PRKCB: variants seen among roughly 807,000 people sequenced by gnomAD.
The protein encoded by PRKCB is protein kinase C beta.
PRKCB carries 13 observed loss-of-function variants against 81.5 expected under a neutral mutation model. The observed-to-expected ratio is 0.16, with a 90% CI of 0.10 to 0.25. PRKCB has a LOEUF of 0.25. Ranked by LOEUF, PRKCB falls within the 10% of genes least tolerant of loss-of-function variation. PRKCB has a pLI of 1.00. For synonymous variants in PRKCB, 335 were observed against 321.4 expected, an observed-to-expected ratio of 1.04 and a Z score of -0.45; for missense variants, 509 against 875.7, an observed-to-expected ratio of 0.58 and a Z score of 5.29.
At chr16:24,057,768 A>T (rs1965922406) in intron 5 of PRKCB, among the ~76,000 whole-genome samples, 1 of 151,762 alleles carries the variant, frequency 6.6e-6, no homozygotes, top group Non-Finnish European at 1.5e-5. Flanking sequence ...ACGCTTATTG[A>T]TGGCTTGCCC....
At chr16:24,038,705 T>C (rs1330404457) in intron 5 of PRKCB, among the ~76,000 whole-genome samples, 1 of 152,218 alleles carries the variant, frequency 6.6e-6, no homozygotes, top group African/African-American at 2.4e-5. Flanking sequence ...CAGTGATTTA[T>C]TGGGCTGCTC....
At chr16:24,149,641 A>C (rs930332984) in intron 9 of PRKCB, among the ~76,000 whole-genome samples, 1 of 152,210 alleles carries the variant, frequency 6.6e-6, no homozygotes, top group Admixed American at 6.5e-5. Context: ...AAGGAGAGGG[A>C]GTGCTTGGAA....
At chr16:24,108,968 G>A (rs1966622644) in intron 7 of PRKCB, among the ~76,000 whole-genome samples, 1 of 147,728 alleles carries the variant, frequency 6.8e-6, no homozygotes, top group Non-Finnish European at 1.5e-5. Flanking sequence ...TGGGGGGGCT[G>A]GCCGGGCGGG....
intron 12 of PRKCB, chr16:24,174,874 T>G (rs77315803): frequency 3.2e-6 from 1 of 309,566 alleles, no homozygotes; most frequent in African/African-American, 2.1e-5. Context: ...TCAGTACTTC[T>G]TTCTCTTGCT....
intron 8 of PRKCB, among the ~76,000 whole-genome samples, chr16:24,113,526 C>A (rs568249234): frequency 1.0e-3 from 153 of 147,608 alleles, no homozygotes; most frequent in African/African-American, 3.6e-3. Flanking sequence ...TCCTTCCTCC[C>A]TCCCTCCCCC....
At chr16:23,982,071 T>A (rs879206968) in intron 2 of PRKCB, among the ~76,000 whole-genome samples, 1 of 34,630 alleles carries the variant, frequency 2.9e-5, no homozygotes, top group Non-Finnish European at 5.0e-5. Context: ...CCCTTCTCTT[T>A]CCCTTCCCTT....
intron 2 of PRKCB, among the ~76,000 whole-genome samples, chr16:23,950,138 T>TTG (rs1964259104): frequency 7.0e-6 from 1 of 141,852 alleles, no homozygotes; most frequent in Non-Finnish European, 1.5e-5. Flanking sequence ...TTGAATTTTT[T>TTG]TTTTTTTTTT....
chr16:24,026,134 CA>C lies in PRKCB; in HGVS notation c.289-5996del, dbSNP rs554783243. On this transcript the variant is annotated intron_variant, in intron 3 of 16. Coordinates refer to ENST00000643927, the MANE Select transcript of PRKCB (RefSeq NM_002738.7). ...CAACATAGCAAAAACCCTGTCTCTA[CA>C]AAAAATAAAAATTAGCCAGGCATAT... is the stretch of plus-strand genomic sequence containing the variant. Among the ~76,000 whole-genome samples, 18 of 152,144 alleles carry C rather than the reference CA, an allele frequency of 1.2e-4. No individual in the cohort carries two copies. In the South Asian group the frequency reaches 3.7e-3, roughly 32 times the overall value.
chr16:24,048,572 C>T (rs1567356407), intron 5 of PRKCB, among the ~76,000 whole-genome samples: 1 of 151,918 alleles, frequency 6.6e-6, no homozygotes, highest in South Asian at 2.1e-4. Context: ...TCACTGCAAC[C>T]TCCGCCTCCC....
chr16:24,029,534 A>G (rs1304375041), intron 3 of PRKCB, among the ~76,000 whole-genome samples: 1 of 152,216 alleles, frequency 6.6e-6, no homozygotes, highest in African/African-American at 2.4e-5. Flanking sequence ...TTAGTCAATT[A>G]AATCTCTTTC....
intron 5 of PRKCB, among the ~76,000 whole-genome samples, chr16:24,046,161 C>T (rs533601786): frequency 7.2e-4 from 110 of 152,248 alleles, no homozygotes; most frequent in Admixed American, 2.0e-3. Context: ...GGGGAGCTTC[C>T]TAGTCATTAG....
intron 2 of PRKCB, among the ~76,000 whole-genome samples, chr16:23,976,430 T>G (rs1263871834): frequency 6.6e-6 from 1 of 152,168 alleles, no homozygotes; most frequent in African/African-American, 2.4e-5. Flanking sequence ...AAGCTGATTC[T>G]CTTTGGGTGT....
chr16:23,968,572 C>T (rs1409299053), intron 2 of PRKCB, among the ~76,000 whole-genome samples: 1 of 152,176 alleles, frequency 6.6e-6, no homozygotes, highest in African/African-American at 2.4e-5. Context: ...TCACCTCTCC[C>T]ATTGCCTGTT....
intron 2 of PRKCB, among the ~76,000 whole-genome samples, chr16:23,973,721 C>T (rs1044822340): frequency 2.0e-5 from 3 of 152,080 alleles, no homozygotes; most frequent in Non-Finnish European, 2.9e-5. Context: ...CACTCTGTTG[C>T]CCAGGCTGGA....
At chr16:23,913,832 T>A (rs8051946) in intron 2 of PRKCB, among the ~76,000 whole-genome samples, 140,278 of 151,978 alleles carry the variant, frequency 0.92, 64,949 homozygotes, top group East Asian at 1. Flanking sequence ...ACGAAAGGAA[T>A]AGGGAACTTG....
chr16:23,982,275 T>C (rs1188790420), intron 2 of PRKCB, among the ~76,000 whole-genome samples: 13 of 63,382 alleles, frequency 2.1e-4, no homozygotes, highest in Non-Finnish European at 3.1e-4. Flanking sequence ...CCCTTCCCTT[T>C]CCCTTCTCCT....
chr16:23,895,834 A>G (rs1963369995), intron 2 of PRKCB, among the ~76,000 whole-genome samples: 1 of 152,206 alleles, frequency 6.6e-6, no homozygotes, highest in Non-Finnish European at 1.5e-5. Context: ...TTATATTGTT[A>G]TTATTGATGT....
intron 1 of PRKCB, among the ~76,000 whole-genome samples, chr16:23,836,617 G>A (rs1387018758): frequency 6.6e-6 from 1 of 151,896 alleles, no homozygotes; most frequent in African/African-American, 2.4e-5. Context: ...CAGGGGCGGC[G>A]TCGCGGGAGC....
intron 9 of PRKCB, chr16:24,151,609 A>T (rs1369730160): frequency 2.8e-6 from 1 of 354,766 alleles, no homozygotes; most frequent in Non-Finnish European, 5.6e-6. Flanking sequence ...GGAGGAGATA[A>T]CAGCCCAGTG....
Sources: gnomAD v4.1 joint callset for allele counts (sites outside exome capture counted in the v4.1 genomes callset) on GRCh38, gnomAD v4.1.1 for gene constraint, MANE v1.5 for transcripts, NCBI Gene and HGNC (gene_info 2026-07-23, HGNC 2026-07-21) for gene names.